Variants in IL6ST observed in about 807,000 individuals in gnomAD.
IL6ST encodes the protein interleukin 6 cytokine family signal transducer.
A neutral mutation model predicts 91.3 loss-of-function variants in IL6ST; 24 were observed. The observed-to-expected ratio is 0.26, with a 90% confidence interval of 0.19 to 0.37. The LOEUF (loss-of-function observed/expected upper bound fraction) is 0.37, where lower values mean the gene tolerates loss of function less well. Ranked by LOEUF, IL6ST falls within the 10% of genes least tolerant of loss-of-function variation. IL6ST has a pLI of 1.00. For synonymous variants in IL6ST, 351 were observed against 373.6 expected, an observed-to-expected ratio of 0.94 and a Z score of 0.70; for missense variants, 914 against 1,078.5, an observed-to-expected ratio of 0.85 and a Z score of 2.14.
chr5:55,937,903 G>A lies in IL6ST; in HGVS notation c.*3179C>T, dbSNP rs1464186332. The A allele has an allele frequency of 5.0e-6, 1 of 198,770 alleles. No individual in the cohort carries two copies. Among genetic ancestry groups the A allele is most frequent in the African/African-American group, 2.3e-5 (1 of 43,480 alleles). 12.3% of individuals were successfully genotyped at this position (198,770 alleles called of 1,614,324 possible). ...TGTGGACTATAACAGAATGAAGGAAGATCTCTCCTGCTTGATGTACTTGGT... is the reference window on the plus strand; with the variant it reads ...TGTGGACTATAACAGAATGAAGGAAAATCTCTCCTGCTTGATGTACTTGGT... On this transcript the variant is annotated 3_prime_UTR_variant, in exon 17 of 17. Coordinates refer to ENST00000381298, the MANE Select transcript of IL6ST (RefSeq NM_002184.4).
At position 55,940,651 on chromosome 5, in the gene IL6ST, C is replaced by A; in HGVS notation, c.*431G>T. 1 of 223,902 alleles carries A rather than the reference C, an allele frequency of 4.5e-6. No individual in the cohort carries two copies. The highest frequency in any genetic ancestry group is 6.7e-5 in the East Asian group (1 of 14,968). The allele number at this position is 223,902 out of a possible 1,614,324, so 13.9% of individuals were successfully genotyped here. On this transcript the variant is annotated 3_prime_UTR_variant, in exon 17 of 17. Coordinates refer to ENST00000381298, the MANE Select transcript of IL6ST (RefSeq NM_002184.4). Reference sequence around the variant, plus strand: ...TAGCAGAAGTAGATGATGGTCTACACCTTGCTCCTCTTTTATATTAACTGT... The same window carrying A: ...TAGCAGAAGTAGATGATGGTCTACAACTTGCTCCTCTTTTATATTAACTGT...
chr5:55,969,449 A>C, intron 4 of IL6ST, 101 bp downstream of exon 4: 1 of 754,734 alleles, frequency 1.3e-6, no homozygotes, highest in South Asian at 2.2e-5. Flanking sequence ...CAAGTCACTA[A>C]GTCCACAAGT....
chr5:55,980,969 A>G (rs1264925144), intron 2 of IL6ST, among the ~76,000 whole-genome samples: 1 of 152,198 alleles, frequency 6.6e-6, no homozygotes, highest in Non-Finnish European at 1.5e-5. Context: ...GTCTGAAGCA[A>G]TCCTCCTTCT....
chr5:55,939,482 A>ATAT lies in IL6ST; in HGVS notation c.*1597_*1599dup, dbSNP rs1750746483. The ATAT allele has an allele frequency of 4.9e-6, 1 of 205,016 alleles. No homozygotes were observed. The highest frequency in any genetic ancestry group is 1.0e-5 in the Non-Finnish European group (1 of 100,188). The allele number at this position is 205,016 out of a possible 1,614,324, so 12.7% of individuals were successfully genotyped here. ...TATTCTGAGAGTAAAAAGTGTAATT[A>ATAT]TATTTCCATTGTAAATGTATACCAA... On this transcript the variant is annotated 3_prime_UTR_variant, in exon 17 of 17. Coordinates refer to ENST00000381298, the MANE Select transcript of IL6ST (RefSeq NM_002184.4).
chr5:55,966,691 A>G (rs1752651313), intron 5 of IL6ST, among the ~76,000 whole-genome samples: 1 of 152,186 alleles, frequency 6.6e-6, no homozygotes, highest in Admixed American at 6.5e-5. Context: ...GGAGAGAAGG[A>G]TGCATAGATA....
chr5:55,947,116 C>A (rs1056676380), intron 15 of IL6ST, among the ~76,000 whole-genome samples: 2 of 152,044 alleles, frequency 1.3e-5, no homozygotes, highest in African/African-American at 4.8e-5. Context: ...AGGCAGGAGT[C>A]TGAACCAGGG....
At chr5:55,973,781 T>C (rs1753104123) in intron 3 of IL6ST, among the ~76,000 whole-genome samples, 1 of 152,222 alleles carries the variant, frequency 6.6e-6, no homozygotes, top group South Asian at 2.1e-4. Context: ...AGGTAGCTAA[T>C]GCAGTCCTGT....
intron 14 of IL6ST, among the ~76,000 whole-genome samples, chr5:55,950,465 G>A (rs1280692763): frequency 2.0e-5 from 3 of 149,328 alleles, no homozygotes; most frequent in Non-Finnish European, 4.4e-5. Context: ...GAACCTGGGA[G>A]GTGGAGGTTG....
intron 11 of IL6ST, among the ~76,000 whole-genome samples, chr5:55,953,254 A>T (rs1751752781): frequency 6.6e-6 from 1 of 152,152 alleles, no homozygotes; most frequent in African/African-American, 2.4e-5. Context: ...CTTCTTAAAC[A>T]GATTTTACCT....
chr5:55,973,894 A>C (rs1374414001), intron 3 of IL6ST, among the ~76,000 whole-genome samples: 4 of 152,248 alleles, frequency 2.6e-5, no homozygotes, highest in African/African-American at 9.6e-5. Flanking sequence ...CTTCGGATGA[A>C]AATGTTGGGA....
Position 55,964,159 on chromosome 5 carries a change from A to T in IL6ST, c.645T>A (p.Asp215Glu). Residue 215 changes from aspartate to glutamate, a missense_variant, in exon 6 of 17, where the codon GAT (aspartate) becomes GAA (glutamate). Physicochemically the swap from Asp to Glu is conservative, Grantham distance 45. Transcript: ENST00000381298. ...GTTTATAACTACCTTTATATACAGGATCAAAATTGATATGATCTGATGTAA... is the reference window on the plus strand; with the variant it reads ...GTTTATAACTACCTTTATATACAGGTTCAAAATTGATATGATCTGATGTAA... The part of the protein sequence containing the change: ...GKVTSDHINF[D>E]PVYKVKPNPP... The T allele has an allele frequency of 2.5e-6, 4 of 1,596,966 alleles. No homozygotes were observed. Among genetic ancestry groups the T allele is most frequent in the Non-Finnish European group, 3.4e-6 (4 of 1,171,198 alleles).
chr5:55,958,158 G>C (rs922382539), intron 8 of IL6ST, among the ~76,000 whole-genome samples: 1 of 152,132 alleles, frequency 6.6e-6, no homozygotes, highest in African/African-American at 2.4e-5. Flanking sequence ...CCAGGCTGGA[G>C]TGCAGTGGAT....
chr5:55,966,479 C>T (rs1453679205), intron 5 of IL6ST, among the ~76,000 whole-genome samples: 1 of 152,084 alleles, frequency 6.6e-6, no homozygotes, highest in Non-Finnish European at 1.5e-5. Context: ...GAATGATACA[C>T]TAAGATTTGT....
Position 55,940,122 on chromosome 5 carries a change from G to GATATGTGTGTGTATATGTGTGTGT in IL6ST, c.*959_*960insACACACACATATACACACACATAT, listed in dbSNP as rs146322871. 4.6e-5 allele frequency: 8 copies of GATATGTGTGTGTATATGTGTGTGT among 175,800 alleles called. No individual in the cohort carries two copies. The highest frequency in any genetic ancestry group is 4.5e-4 in the Admixed American group (7 of 15,400). 10.9% of individuals were successfully genotyped at this position (175,800 alleles called of 1,614,324 possible). A position where few individuals can be genotyped will look rare whatever the true frequency, so the allele number is the denominator to read the frequency against. On this transcript the variant is annotated 3_prime_UTR_variant, in exon 17 of 17. Transcript: ENST00000381298. Reference sequence around the variant, plus strand: ...CTCTGAAGTCTTAAGAAAAGTCAATGATATGTGTGTGTATATATATATATA... The same window carrying GATATGTGTGTGTATATGTGTGTGT: ...CTCTGAAGTCTTAAGAAAAGTCAATGATATGTGTGTGTATATGTGTGTGTATATGTGTGTGTATATATATATATA...
intron 3 of IL6ST, among the ~76,000 whole-genome samples, chr5:55,971,630 G>A (rs1346285348): frequency 6.6e-6 from 1 of 151,954 alleles, no homozygotes; most frequent in Non-Finnish European, 1.5e-5. Context: ...TACTAGCCTG[G>A]GCAACATGGC....
Position 55,968,361 on chromosome 5 carries a change from C to A in IL6ST, c.406G>T (p.Val136Leu). The A allele has an allele frequency of 6.2e-7, 1 of 1,611,836 alleles. No homozygotes were observed. Among genetic ancestry groups the A allele is most frequent in the East Asian group, 2.2e-5 (1 of 44,750 alleles). ...CACCTCATTTTCTTCCCCTCGTTCA[C>A]AATGCAACTCAAATTTTTAGGTTTT... ...PEKPKNLSCI[V>L]NEGKKMRCEW... Residue 136 changes from valine to leucine, a missense_variant, in exon 5 of 17, where the codon GTG becomes TTG. Physicochemically the swap from Val to Leu is conservative, Grantham distance 32. Coordinates refer to ENST00000381298, the MANE Select transcript of IL6ST (RefSeq NM_002184.4).
chr5:55,942,058 C>A (rs1304226166), intron 16 of IL6ST, among the ~76,000 whole-genome samples: 2 of 151,962 alleles, frequency 1.3e-5, no homozygotes, highest in East Asian at 3.9e-4. Flanking sequence ...ATATTTCATG[C>A]CTAGACTAGG....
rs1752837634 is a variant in IL6ST at position 55,969,580 on chromosome 5, T to G, written c.340A>C (p.Asn114His). 1.2e-6 allele frequency: 2 copies of G among 1,612,088 alleles called. No homozygotes were observed. Among genetic ancestry groups the G allele is most frequent in the Non-Finnish European group, 8.5e-7 (1 of 1,178,788 alleles). ...GAAATTATTGTGATTCCATAAACAT[T>G]CTGTTCAAGCTGTCCGAATGTAAGA... is the stretch of plus-strand genomic sequence containing the variant. ...NILTFGQLEQNVYGITIISGL... is the reference protein window; with the variant it reads ...NILTFGQLEQHVYGITIISGL... The change falls in exon 4 of 17, where the codon AAT (asparagine) becomes CAT (histidine). Residue 114 changes from asparagine (N) to histidine (H), a missense_variant. By Grantham distance (68) the Asn-to-His change is moderately conservative. Transcript: ENST00000381298.
At position 55,935,448 on chromosome 5, in the gene IL6ST, G is replaced by C. The variant is rs921857368; in HGVS notation, c.*5634C>G. 9.7e-6 allele frequency: 2 copies of C among 206,504 alleles called. No homozygotes were observed. Among genetic ancestry groups the C allele is most frequent in the African/African-American group, 4.7e-5 (2 of 42,440 alleles). 12.8% of individuals were successfully genotyped at this position (206,504 alleles called of 1,614,324 possible). On this transcript the variant is annotated 3_prime_UTR_variant, in exon 17 of 17. Coordinates refer to ENST00000381298, the MANE Select transcript of IL6ST (RefSeq NM_002184.4). ...ACAAATATTGAATTTTGAGTTGAAA[G>C]GTACATTTTCCTCCCTTGATGGAGA...
Sources: gnomAD v4.1 joint callset for allele counts (sites outside exome capture counted in the v4.1 genomes callset) on GRCh38, gnomAD v4.1.1 for gene constraint, MANE v1.5 for transcripts, NCBI Gene and HGNC (gene_info 2026-07-23, HGNC 2026-07-21) for gene names.